FAM184A: variants seen among roughly 807,000 people sequenced by gnomAD.
The protein encoded by FAM184A is protein FAM184A.
In FAM184A, 99 loss-of-function variants were observed where a neutral mutation model predicts 143.8. The ratio of observed to expected loss-of-function variants is 0.69; its 90% CI spans 0.58 to 0.81. The LOEUF (loss-of-function observed/expected upper bound fraction) is 0.81. FAM184A is among the 40% of genes least tolerant of loss of function. The probability of loss-of-function intolerance (pLI) is 0.00; values close to 1 mark genes in which losing one functional copy is unlikely to be tolerated. For missense variants in FAM184A, 1,217 were observed against 1,310.5 expected (o/e 0.93, Z 1.10); for synonymous variants, 427 against 446.4 (o/e 0.96, Z 0.55).
chr6:119,013,606 G>C (rs1785154091), intron 5 of FAM184A, among the ~76,000 whole-genome samples: 1 of 152,170 alleles, frequency 6.6e-6, no homozygotes, highest in Non-Finnish European at 1.5e-5. Context: ...CTGGAATAGT[G>C]ACCTGGCACA....
At position 118,980,177 on chromosome 6, in the gene FAM184A, T is replaced by C; in HGVS notation, c.2262A>G (p.Ala754=). The change falls in exon 10 of 18, where the codon GCA becomes GCG. Residue 754 remains alanine, a synonymous_variant. Coordinates refer to ENST00000338891, the MANE Select transcript of FAM184A (RefSeq NM_024581.6). ...CCTTTTCCTCTTCCATAGTTTGAAA[T>C]GCAAGGACATGTGCTTCTTTTAATG... is the stretch of plus-strand genomic sequence containing the variant. The part of the protein sequence containing the change: ...HKSLKEAHVL[A]FQTMEEEKEK... 1 of 1,614,218 alleles carries C rather than the reference T, an allele frequency of 6.2e-7. No individual in the cohort carries two copies. Among genetic ancestry groups the C allele is most frequent in the Non-Finnish European group, 8.5e-7 (1 of 1,180,010 alleles).
At chr6:119,009,861 TA>T (rs1383647149) in intron 6 of FAM184A, among the ~76,000 whole-genome samples, 4 of 152,186 alleles carry the variant, frequency 2.6e-5, no homozygotes, top group Admixed American at 6.5e-5. Context: ...CCATATTTAT[TA>T]AATAAATGAA....
intron 5 of FAM184A, among the ~76,000 whole-genome samples, chr6:119,012,742 T>A (rs919043433): frequency 7.9e-5 from 12 of 152,146 alleles, no homozygotes; most frequent in African/African-American, 2.9e-4. Context: ...CTTAGGCCAG[T>A]GAGTCATTCT....
At position 119,024,182 on chromosome 6, in the gene FAM184A, T is replaced by C. The variant is rs1228802654; in HGVS notation, c.791A>G (p.Asp264Gly). ...AAAAAGCTGTGACCTTTTCAAAGTA[T>C]CAAGCTCACGTTCATAAAAGGACTG... ...KAQSFYEREL[D>G]TLKRSQLFTA... is the part of the protein sequence containing the mutation. Residue 264 changes from aspartate to glycine, a missense_variant, in exon 2 of 18, where the codon GAT (aspartate) becomes GGT (glycine). Asp to Gly is a moderately conservative substitution (Grantham distance 94). Transcript: ENST00000338891. 6.2e-7 allele frequency: 1 copy of C among 1,614,116 alleles called. No individual in the cohort carries two copies. The highest frequency in any genetic ancestry group is 8.5e-7 in the Non-Finnish European group (1 of 1,180,054).
intron 1 of FAM184A, among the ~76,000 whole-genome samples, chr6:119,063,711 G>A (rs17080809): frequency 0.018 from 2,675 of 152,152 alleles, 71 homozygotes; most frequent in Middle Eastern, 0.058. Flanking sequence ...TTGCTCCAAA[G>A]TGGTATTTAC....
chr6:119,096,113 G>A (rs1166563854), intron 1 of FAM184A, among the ~76,000 whole-genome samples: 4 of 152,112 alleles, frequency 2.6e-5, no homozygotes, highest in Non-Finnish European at 5.9e-5. Context: ...CCCCTTTGAG[G>A]TGGTGACATT....
intron 1 of FAM184A, among the ~76,000 whole-genome samples, chr6:119,144,481 G>A (rs548299712): frequency 2.0e-5 from 3 of 152,230 alleles, no homozygotes; most frequent in Non-Finnish European, 2.9e-5. Context: ...TGCCCTTCAC[G>A]CCGGCACACA....
chr6:119,011,119 G>T, intron 6 of FAM184A, 190 bp downstream of exon 6: 1 of 496,272 alleles, frequency 2.0e-6, no homozygotes, highest in Non-Finnish European at 3.5e-6. Context: ...TAATGTTTTT[G>T]ACAGTAAATT....
intron 1 of FAM184A, among the ~76,000 whole-genome samples, chr6:119,088,012 A>C (rs1034178107): frequency 2.6e-5 from 4 of 152,232 alleles, no homozygotes; most frequent in African/African-American, 9.6e-5. Context: ...ATGATGTTTT[A>C]CTTATATGAA....
At chr6:119,028,699 A>G (rs1785758149) in intron 1 of FAM184A, among the ~76,000 whole-genome samples, 1 of 152,144 alleles carries the variant, frequency 6.6e-6, no homozygotes, top group African/African-American at 2.4e-5. Flanking sequence ...AAATGGGGGT[A>G]AACATGTTTT....
At chr6:119,104,445 T>C (rs532126131) in intron 1 of FAM184A, among the ~76,000 whole-genome samples, 6 of 152,344 alleles carry the variant, frequency 3.9e-5, no homozygotes, top group Admixed American at 2.0e-4. Context: ...GTCTCAGGTT[T>C]GCATTCCCAG....
chr6:119,109,015 T>G (rs1788862126), intron 1 of FAM184A, among the ~76,000 whole-genome samples: 1 of 144,712 alleles, frequency 6.9e-6, no homozygotes, highest in African/African-American at 2.9e-5. Context: ...CATCCTTTCT[T>G]GTCTTTTTTC....
At chr6:119,121,051 C>T (rs906492307) in intron 1 of FAM184A, among the ~76,000 whole-genome samples, 2 of 151,548 alleles carry the variant, frequency 1.3e-5, no homozygotes, top group Non-Finnish European at 2.9e-5. Flanking sequence ...CTCCAGTAAT[C>T]CTCCCACATT....
intron 1 of FAM184A, among the ~76,000 whole-genome samples, chr6:119,143,072 G>A (rs1055471182): frequency 1.3e-5 from 2 of 152,148 alleles, no homozygotes; most frequent in Non-Finnish European, 2.9e-5. Flanking sequence ...AACCAATCCT[G>A]CTGGTACCTT....
intron 9 of FAM184A, among the ~76,000 whole-genome samples, chr6:118,994,925 C>T (rs1195950648): frequency 2.6e-5 from 4 of 152,132 alleles, no homozygotes; most frequent in African/African-American, 9.7e-5. Flanking sequence ...AGATATTACA[C>T]ATGCATATAT....
At chr6:119,145,537 T>C (rs1460657786) in intron 1 of FAM184A, among the ~76,000 whole-genome samples, 3 of 152,160 alleles carry the variant, frequency 2.0e-5, no homozygotes, top group African/African-American at 4.8e-5. Context: ...GAAAAGTTGG[T>C]TGATACACTT....
chr6:119,023,214 G>A (rs1785509364), intron 2 of FAM184A, 134 bp from the exon 3 acceptor site: 1 of 865,206 alleles, frequency 1.2e-6, no homozygotes, highest in Non-Finnish European at 1.7e-6. Flanking sequence ...AAATCTGTAA[G>A]TATTAGTGAT....
At chr6:118,979,183 T>C (rs998382644) in intron 11 of FAM184A, among the ~76,000 whole-genome samples, 182 bp downstream of exon 11, 1 of 152,226 alleles carries the variant, frequency 6.6e-6, no homozygotes, top group Non-Finnish European at 1.5e-5. Flanking sequence ...TGAGGGGAAT[T>C]CACTTTACTG....
At chr6:119,068,348 C>G (rs867645534) in intron 1 of FAM184A, among the ~76,000 whole-genome samples, 42 of 152,096 alleles carry the variant, frequency 2.8e-4, no homozygotes, top group African/African-American at 9.4e-4. Flanking sequence ...TGCGCCTGGC[C>G]TAAAAACCTA....
Sources: gnomAD v4.1 joint callset for allele counts (sites outside exome capture counted in the v4.1 genomes callset) on GRCh38, gnomAD v4.1.1 for gene constraint, MANE v1.5 for transcripts, NCBI Gene and HGNC (gene_info 2026-07-23, HGNC 2026-07-21) for gene names.